CNTN5: variants seen among roughly 807,000 people sequenced by gnomAD.
CNTN5 encodes the protein contactin 5, also known as contactin-5.
Under a neutral mutation model 129.1 loss-of-function variants are expected in CNTN5, and 77 were observed. The ratio of observed to expected loss-of-function variants is 0.60; its 90% confidence interval spans 0.50 to 0.72. CNTN5 has a LOEUF of 0.72. CNTN5 is among the 30% of genes least tolerant of loss of function. The pLI is 0.00. For missense variants in CNTN5, 1,478 were observed against 1,328.8 expected, an observed-to-expected ratio of 1.11 and a Z score of -1.75; for synonymous variants, 509 against 465.6, an observed-to-expected ratio of 1.09 and a Z score of -1.20.
intron 13 of CNTN5, among the ~76,000 whole-genome samples, chr11:100,105,953 T>C (rs1450281901): frequency 2.0e-5 from 3 of 152,202 alleles, no homozygotes; most frequent in Admixed American, 1.3e-4. Context: ...GGAACTCTGA[T>C]GCTTAATTAT....
intron 13 of CNTN5, among the ~76,000 whole-genome samples, chr11:100,150,014 A>G (rs948076045): frequency 3.9e-5 from 6 of 152,182 alleles, no homozygotes; most frequent in Admixed American, 6.5e-5. Context: ...TATTCTACCA[A>G]TATAAACAGG....
At chr11:100,160,554 T>G (rs557885480) in intron 13 of CNTN5, among the ~76,000 whole-genome samples, 1 of 151,738 alleles carries the variant, frequency 6.6e-6, no homozygotes, top group South Asian at 2.1e-4. Context: ...AGTGAAAGAG[T>G]GAGAAACAGA....
intron 1 of CNTN5, among the ~76,000 whole-genome samples, chr11:99,232,381 G>A (rs1861048573): frequency 6.6e-6 from 1 of 152,064 alleles, no homozygotes; most frequent in African/African-American, 2.4e-5. Context: ...TTTATTAGCT[G>A]TATTAGTAGG....
intron 2 of CNTN5, among the ~76,000 whole-genome samples, chr11:99,398,762 A>G (rs1941654730): frequency 6.6e-6 from 1 of 151,904 alleles, no homozygotes; most frequent in Non-Finnish European, 1.5e-5. Context: ...TTTAAAGACC[A>G]TCTTTGGTTG....
chr11:99,163,575 A>G (rs1159651617), intron 1 of CNTN5, among the ~76,000 whole-genome samples: 1 of 152,252 alleles, frequency 6.6e-6, no homozygotes, highest in Middle Eastern at 3.4e-3. Context: ...TACTTTGTTT[A>G]TATATTTCTT....
At chr11:100,205,488 A>G (rs1948893847) in intron 15 of CNTN5, among the ~76,000 whole-genome samples, 1 of 152,060 alleles carries the variant, frequency 6.6e-6, no homozygotes, top group South Asian at 2.1e-4. Flanking sequence ...TCTGGTATCC[A>G]TTATATAAGA....
At chr11:99,262,235 T>C (rs538613386) in intron 1 of CNTN5, among the ~76,000 whole-genome samples, 22 of 152,126 alleles carry the variant, frequency 1.4e-4, no homozygotes, top group African/African-American at 5.3e-4. Context: ...AAGCCTATTT[T>C]CCCTTTTTAA....
chr11:99,482,262 A>G (rs1352192874), intron 2 of CNTN5, among the ~76,000 whole-genome samples: 2 of 152,210 alleles, frequency 1.3e-5, no homozygotes, highest in Non-Finnish European at 1.5e-5. Context: ...GCTACTTTTA[A>G]TAAAAATTAT....
intron 17 of CNTN5, among the ~76,000 whole-genome samples, chr11:100,270,889 C>T (rs1314381972): frequency 6.6e-6 from 1 of 152,186 alleles, no homozygotes; most frequent in Non-Finnish European, 1.5e-5. Flanking sequence ...TTAACTCCAA[C>T]AAACTTTGAC....
chr11:99,552,217 T>G (rs895954464), intron 2 of CNTN5, among the ~76,000 whole-genome samples: 11 of 147,798 alleles, frequency 7.4e-5, no homozygotes, highest in South Asian at 2.1e-4. Context: ...GTTTTTGTGT[T>G]TTTTTTTTTG....
chr11:99,945,292 C>G (rs1382251774), intron 7 of CNTN5, among the ~76,000 whole-genome samples: 1 of 151,962 alleles, frequency 6.6e-6, no homozygotes, highest in African/African-American at 2.4e-5. Context: ...TTTAGTTCTG[C>G]ATAATGGATA....
chr11:100,233,301 A>AAG (rs1450252768), intron 16 of CNTN5, among the ~76,000 whole-genome samples: 13 of 151,510 alleles, frequency 8.6e-5, no homozygotes, highest in Non-Finnish European at 1.9e-4. Context: ...GGGAGGAAGA[A>AAG]AGAAAGGAGT....
chr11:100,058,020 C>T (rs1943306473), intron 9 of CNTN5, among the ~76,000 whole-genome samples: 3 of 151,980 alleles, frequency 2.0e-5, no homozygotes, highest in Non-Finnish European at 4.4e-5. Context: ...ACCTCTATAC[C>T]CAGTCAGTCT....
chr11:99,582,630 C>T (rs909176999), intron 3 of CNTN5, among the ~76,000 whole-genome samples: 1 of 152,208 alleles, frequency 6.6e-6, no homozygotes, highest in East Asian at 1.9e-4. Flanking sequence ...GTTACTGAGG[C>T]TTGTGCATTC....
At chr11:100,057,075 G>A (rs1183357519) in intron 9 of CNTN5, among the ~76,000 whole-genome samples, 2 of 151,132 alleles carry the variant, frequency 1.3e-5, no homozygotes, top group Admixed American at 6.6e-5. Context: ...CGTATCATAT[G>A]TGGCCATACG....
At chr11:100,225,103 C>A in intron 16 of CNTN5, 1 of 200,228 alleles carries the variant, frequency 5.0e-6, no homozygotes, top group Non-Finnish European at 1.0e-5. Flanking sequence ...AGTTGAGCTA[C>A]TAAGTCACTT....
At chr11:99,211,204 CTGATTTTCA>C (rs1401098333) in intron 1 of CNTN5, among the ~76,000 whole-genome samples, 1 of 151,994 alleles carries the variant, frequency 6.6e-6, no homozygotes, top group East Asian at 1.9e-4. Context: ...CTCTACTTTC[CTGATTTTCA>C]TGGTATTCTC....
chr11:99,377,756 T>C (rs1463482470), intron 2 of CNTN5, among the ~76,000 whole-genome samples: 1 of 149,414 alleles, frequency 6.7e-6, no homozygotes, highest in Non-Finnish European at 1.5e-5. Flanking sequence ...TGAAAGGCAC[T>C]GTGAGAGCAG....
At chr11:99,268,512 T>G (rs1450303387) in intron 1 of CNTN5, among the ~76,000 whole-genome samples, 1 of 151,862 alleles carries the variant, frequency 6.6e-6, no homozygotes, top group East Asian at 1.9e-4. Flanking sequence ...TCATTATTAG[T>G]CCCTACATTG....
Sources: gnomAD v4.1 joint callset for allele counts (sites outside exome capture counted in the v4.1 genomes callset) on GRCh38, gnomAD v4.1.1 for gene constraint, MANE v1.5 for transcripts, NCBI Gene and HGNC (gene_info 2026-07-23, HGNC 2026-07-21) for gene names.